PPAT: variants seen among roughly 807,000 people sequenced by gnomAD.
PPAT encodes the protein phosphoribosyl pyrophosphate amidotransferase, also known as amidophosphoribosyltransferase.
In PPAT, 20 loss-of-function variants were observed where a neutral mutation model predicts 60.2. The ratio of observed to expected loss-of-function variants is 0.33; its 90% CI spans 0.23 to 0.48. PPAT has a LOEUF of 0.48. PPAT is among the 20% of genes least tolerant of loss of function. The pLI is 0.99. For synonymous variants in PPAT, 194 were observed against 215.1 expected (o/e 0.90, Z 0.86); for missense variants, 349 against 629.6 (o/e 0.55, Z 4.77).
At chr4:56,406,767 C>G in intron 2 of PPAT, 66 bp from the exon 3 acceptor site, 1 of 1,097,104 alleles carries the variant, frequency 9.1e-7, no homozygotes, top group Non-Finnish European at 1.4e-6. Context: ...AAACGCCTCT[C>G]TTCTCTGCCC....
intron 7 of PPAT, 44 bp from the exon 8 acceptor site, chr4:56,400,955 G>A: frequency 5.1e-6 from 8 of 1,556,778 alleles, no homozygotes; most frequent in Non-Finnish European, 7.1e-6. Flanking sequence ...TACTTAGCAT[G>A]ATATAACAGT....
intron 1 of PPAT, chr4:56,419,685 AAGCACTGGAC>A: frequency 1.0e-6 from 1 of 983,848 alleles, no homozygotes; most frequent in East Asian, 1.1e-4. Context: ...TGAAGGAGGA[AAGCACTGGAC>A]TGTGCCAGAA....
intron 1 of PPAT, among the ~76,000 whole-genome samples, chr4:56,429,448 G>T (rs1717466697): frequency 6.6e-6 from 1 of 152,046 alleles, no homozygotes; most frequent in South Asian, 2.1e-4. Context: ...CCTAATAATG[G>T]GAGCTGTAAT....
chr4:56,395,585 T>C, intron 10 of PPAT, 37 bp from the exon 11 acceptor site: 2 of 1,434,164 alleles, frequency 1.4e-6, no homozygotes, highest in East Asian at 5.2e-5. Flanking sequence ...GTAATAAGAA[T>C]TCCTTTAGAA....
intron 3 of PPAT, among the ~76,000 whole-genome samples, chr4:56,406,293 C>A (rs527951156): frequency 2.8e-4 from 42 of 152,278 alleles, no homozygotes; most frequent in Middle Eastern, 3.4e-3. Context: ...CATATTCTCA[C>A]CCTTGTCTCG....
intron 1 of PPAT, among the ~76,000 whole-genome samples, chr4:56,426,092 T>G (rs1169132730): frequency 6.6e-6 from 1 of 152,156 alleles, no homozygotes; most frequent in Non-Finnish European, 1.5e-5. Context: ...TTAGAACATT[T>G]TGATCACCCC....
intron 5 of PPAT, 133 bp from the exon 6 acceptor site, chr4:56,402,314 T>C (rs1003644103): frequency 1.7e-5 from 9 of 523,264 alleles, no homozygotes; most frequent in Non-Finnish European, 2.6e-5. Flanking sequence ...TAAGAGCACA[T>C]GGATCCTCAT....
intron 5 of PPAT, among the ~76,000 whole-genome samples, chr4:56,402,535 A>G (rs1230294037): frequency 6.6e-6 from 1 of 152,130 alleles, no homozygotes; most frequent in African/African-American, 2.4e-5. Context: ...GGATTCATCC[A>G]GCCAGGCGTG....
intron 1 of PPAT, chr4:56,416,551 TTA>T (rs1716762248): frequency 6.5e-6 from 1 of 154,504 alleles, no homozygotes; most frequent in Admixed American, 6.5e-5. Flanking sequence ...CAGAATTGAT[TTA>T]TGTTTCCCTT....
intron 1 of PPAT, among the ~76,000 whole-genome samples, chr4:56,419,192 G>A (rs1716918126): frequency 6.6e-6 from 1 of 152,108 alleles, no homozygotes; most frequent in Non-Finnish European, 1.5e-5. Context: ...AAAAAAGAAA[G>A]GAGTTAAATT....
intron 1 of PPAT, among the ~76,000 whole-genome samples, chr4:56,426,632 T>C (rs1388950338): frequency 6.6e-6 from 1 of 152,190 alleles, no homozygotes; most frequent in Non-Finnish European, 1.5e-5. Flanking sequence ...TGAATAATAT[T>C]CCAATTTACA....
chr4:56,403,510 C>T, intron 3 of PPAT, 109 bp from the exon 4 acceptor site: 3 of 803,066 alleles, frequency 3.7e-6, no homozygotes, highest in Non-Finnish European at 5.8e-6. Context: ...TGTCCAGTTA[C>T]AAAAATCCTG....
intron 3 of PPAT, chr4:56,404,096 C>T (rs1039356841): frequency 2.5e-6 from 1 of 398,972 alleles, no homozygotes; most frequent in Non-Finnish European, 5.2e-6. Flanking sequence ...AACGGATGAC[C>T]ATGGCTGGAG....
At chr4:56,403,259 G>T in intron 4 of PPAT, 30 bp downstream of exon 4, 1 of 1,598,772 alleles carries the variant, frequency 6.3e-7, no homozygotes, top group Non-Finnish European at 8.6e-7. Context: ...CCTTACTAGA[G>T]CTCTAAGTTT....
chr4:56,434,980 G>A (rs1187823249), intron 1 of PPAT, among the ~76,000 whole-genome samples: 1 of 152,234 alleles, frequency 6.6e-6, no homozygotes, highest in Non-Finnish European at 1.5e-5. Context: ...TACAGGAGCA[G>A]CCACAGGCTC....
At chr4:56,416,279 T>A (rs537302338) in intron 1 of PPAT, 4 of 166,736 alleles carry the variant, frequency 2.4e-5, no homozygotes, top group African/African-American at 9.6e-5. Context: ...TTCAAGAATA[T>A]GACCACATTT....
intron 1 of PPAT, among the ~76,000 whole-genome samples, chr4:56,413,973 T>C (rs1716595877): frequency 6.6e-6 from 1 of 152,228 alleles, no homozygotes. Context: ...ATATACAAAT[T>C]GGTAACTTTT....
intron 1 of PPAT, among the ~76,000 whole-genome samples, chr4:56,433,638 C>A (rs1416171494): frequency 2.0e-5 from 3 of 151,822 alleles, no homozygotes; most frequent in South Asian, 2.1e-4. Flanking sequence ...GACCACCAGG[C>A]AACCCTAAAG....
intron 1 of PPAT, among the ~76,000 whole-genome samples, chr4:56,415,193 C>T (rs1716664701): frequency 6.6e-6 from 1 of 152,100 alleles, no homozygotes. Flanking sequence ...TACAATGCTA[C>T]TTTTGTTACT....
Sources: allele counts gnomAD v4.1 joint callset (sites outside exome capture counted in the v4.1 genomes callset), GRCh38; gene constraint gnomAD v4.1.1; transcripts MANE v1.5; gene names NCBI Gene and HGNC (gene_info 2026-07-23, HGNC 2026-07-21).